CCDC9: variants seen among roughly 807,000 people sequenced by gnomAD.
CCDC9 encodes coiled-coil domain-containing protein 9.
CCDC9 carries 52 observed loss-of-function variants against 65.6 expected under a neutral mutation model. The observed-to-expected ratio is 0.79, with a 90% CI of 0.63 to 1.00. CCDC9 has a LOEUF of 1.00. Ranked by LOEUF, CCDC9 falls within the 50% of genes least tolerant of loss-of-function variation. CCDC9 has a pLI of 0.00. For missense variants in CCDC9, 834 were observed against 757.2 expected, an observed-to-expected ratio of 1.10 and a Z score of -1.19; for synonymous variants, 332 against 280.3, an observed-to-expected ratio of 1.18 and a Z score of -1.84.
chr19:47,268,834 T>C (rs1355802753), intron 8 of CCDC9, among the ~76,000 whole-genome samples: 1 of 151,446 alleles, frequency 6.6e-6, no homozygotes, highest in Non-Finnish European at 1.5e-5. Flanking sequence ...AGGAGAATGG[T>C]GTGAACCTGG....
In CCDC9 at chr19:47,271,365, G is replaced by A; in HGVS notation, c.1283G>A (p.Ser428Asn). The change falls in exon 12 of 12, where the codon AGT becomes AAT. Residue 428 changes from serine (S) to asparagine (N), a missense_variant. By Grantham distance (46) the Ser-to-Asn change is conservative. Transcript: ENST00000221922. ...GEEDEEWEDI[S>N]EDEEEEEIEV... ...GAGGATGAAGAATGGGAGGACATAAGTGAGGATGAGGAAGAGGAGGAGATC... is the reference window on the plus strand; with the variant it reads ...GAGGATGAAGAATGGGAGGACATAAATGAGGATGAGGAAGAGGAGGAGATC... The A allele has an allele frequency of 1.2e-6, 2 of 1,613,678 alleles. No individual in the cohort carries two copies. The highest frequency in any genetic ancestry group is 8.5e-7 in the Non-Finnish European group (1 of 1,179,798).
intron 1 of CCDC9, among the ~76,000 whole-genome samples, chr19:47,257,016 C>A (rs1161413533): frequency 1.6e-4 from 5 of 32,058 alleles, no homozygotes; most frequent in African/African-American, 2.4e-4. Flanking sequence ...GACGCAATGG[C>A]GGGGGCGGGG....
At chr19:47,274,944 G>C, downstream of CCDC9, 1 of 1,355,068 alleles carries the variant, frequency 7.4e-7, no homozygotes, top group South Asian at 1.8e-5. Context: ...CTGCGTGGGC[G>C]GCGGCGCCGA....
downstream of CCDC9, among the ~76,000 whole-genome samples, chr19:47,272,612 ACTCCGT>A (rs1413772335): frequency 1.3e-5 from 2 of 151,944 alleles, no homozygotes; most frequent in African/African-American, 4.8e-5. Context: ...ACAGAGCAAG[ACTCCGT>A]CTCAAAAAAG....
intron 5 of CCDC9, among the ~76,000 whole-genome samples, chr19:47,264,165 G>C (rs1293418971): frequency 6.6e-6 from 1 of 152,210 alleles, no homozygotes; most frequent in Non-Finnish European, 1.5e-5. Flanking sequence ...ACAGGCGTGA[G>C]CCACCGCGCC....
At position 47,260,390 on chromosome 19, in the gene CCDC9, T is replaced by G; in HGVS notation, c.178T>G (p.Ser60Ala). The part of the protein sequence containing the change: ...VAVTAPRKGR[S>A]VEKENVAVES... ...AGTCACAGCTCCCCGAAAGGGCCGCTCAGTGGAGAAGGAGAACGTGGCAGT... is the reference window on the plus strand; with the variant it reads ...AGTCACAGCTCCCCGAAAGGGCCGCGCAGTGGAGAAGGAGAACGTGGCAGT... The change falls in exon 4 of 12, where the codon TCA (serine) becomes GCA (alanine). Residue 60 changes from serine (S) to alanine (A), a missense_variant. By Grantham distance (99) the Ser-to-Ala change is moderately conservative. Coordinates refer to ENST00000221922, the MANE Select transcript of CCDC9 (RefSeq NM_015603.3). The G allele has an allele frequency of 6.2e-7, 1 of 1,607,000 alleles. No homozygotes were observed. Among genetic ancestry groups the G allele is most frequent in the South Asian group, 1.1e-5 (1 of 89,830 alleles).
intron 1 of CCDC9, chr19:47,257,887 G>A (rs2059021269): frequency 6.1e-6 from 1 of 163,904 alleles, no homozygotes. Context: ...GGATATGAGA[G>A]GCACCAGGAT....
In CCDC9 at chr19:47,260,645, A is replaced by G. The variant is rs1345467909; in HGVS notation, c.268A>G (p.Ser90Gly). The change falls in exon 5 of 12, where the codon AGC (serine) becomes GGC (glycine). Residue 90 changes from serine to glycine, a missense_variant. By Grantham distance (56) the Ser-to-Gly change is moderately conservative. Coordinates refer to ENST00000221922, the MANE Select transcript of CCDC9 (RefSeq NM_015603.3). ...TGGGACCCCTCGGCCCCCAGGGGCC[A>G]GCAAGGGGGGCCGGACTCCTCCACA... is the stretch of plus-strand genomic sequence containing the variant. Reference protein sequence around the residue: ...SPGTPRPPGASKGGRTPPQQG... With the variant: ...SPGTPRPPGAGKGGRTPPQQG... 6.6e-7 allele frequency: 1 copy of G among 1,524,234 alleles called. No individual in the cohort carries two copies. The highest frequency in any genetic ancestry group is 8.7e-7 in the Non-Finnish European group (1 of 1,145,160). The allele number at this position is 1,524,234 out of a possible 1,614,324, so 94.4% of individuals were successfully genotyped here. A position where few individuals can be genotyped will look rare whatever the true frequency, so the allele number is the denominator to read the frequency against.
intron 5 of CCDC9, among the ~76,000 whole-genome samples, chr19:47,263,501 C>T (rs114385572): frequency 0.024 from 3,703 of 152,230 alleles, 151 homozygotes; most frequent in African/African-American, 0.085. Flanking sequence ...ACGAGAGATT[C>T]AGCACTCCAG....
rs1418042159 is a variant in CCDC9, at chr19:47,271,265, T to TC, written c.1192-5dup. On this transcript the variant is annotated splice_polypyrimidine_tract_variant and intron_variant, in intron 11 of 11. Transcript: ENST00000221922. ...TGTGCCTTGCCCTGACTTGCCTGTG[T>TC]CCCCAAAGCCACCCGAGATCCCAGC... 1.2e-6 allele frequency: 2 copies of TC among 1,611,140 alleles called. No individual in the cohort carries two copies. Among genetic ancestry groups the TC allele is most frequent in the African/African-American group, 2.7e-5 (2 of 74,606 alleles).
At chr19:47,275,316 C>T (rs1033519795), downstream of CCDC9, 9 of 1,546,184 alleles carry the variant, frequency 5.8e-6, no homozygotes, top group African/African-American at 2.8e-5. Flanking sequence ...CAGAGAGACG[C>T]CAGAGGCCGC....
downstream of CCDC9, chr19:47,275,619 A>T (rs1166098016): frequency 6.0e-6 from 3 of 502,166 alleles, no homozygotes; most frequent in Non-Finnish European, 1.1e-5. Context: ...GATGCTGAGC[A>T]CAGAGCCCAC....
rs779123401 is a variant in CCDC9 at position 47,271,374 on chromosome 19, A to C, written c.1292A>C (p.Glu431Ala). 5 of 1,613,416 alleles carry C rather than the reference A, an allele frequency of 3.1e-6. No individual in the cohort carries two copies. The Admixed American group carries it at 6.7e-5, about 22-fold the overall frequency. ...GAATGGGAGGACATAAGTGAGGATG[A>C]GGAAGAGGAGGAGATCGAGGTGGAA... The part of the protein sequence containing the change: ...DEEWEDISED[E>A]EEEEIEVEEG... Residue 431 changes from glutamate to alanine, a missense_variant, in exon 12 of 12, where the codon GAG (glutamate) becomes GCG (alanine). Transcript: ENST00000221922.
Position 47,271,184 on chromosome 19 carries a change from G to T in CCDC9, c.1188G>T (p.Met396Ile). 6.2e-7 allele frequency: 1 copy of T among 1,602,678 alleles called. No individual in the cohort carries two copies. Among genetic ancestry groups the T allele is most frequent in the East Asian group, 2.2e-5 (1 of 44,570 alleles). The part of the protein sequence containing the change: ...SPETSPKETP[M>I]QPPEIPAPAH... ...AGACTTCCCCCAAGGAGACACCCATGCAGGTGAGGCTGGGCTGTGGTTCAG... is the reference window on the plus strand; with the variant it reads ...AGACTTCCCCCAAGGAGACACCCATTCAGGTGAGGCTGGGCTGTGGTTCAG... Residue 396 changes from methionine to isoleucine, a missense_variant, in exon 11 of 12, where the codon ATG becomes ATT. By Grantham distance (10) the Met-to-Ile change is conservative. Transcript: ENST00000221922.
intron 4 of CCDC9, 80 bp downstream of exon 4, chr19:47,260,502 C>A: frequency 1.3e-6 from 2 of 1,595,760 alleles, no homozygotes; most frequent in Non-Finnish European, 1.7e-6. Context: ...GAGCCCCCAG[C>A]TGTCCTGCAC....
At chr19:47,258,501 A>G (rs940279516) in intron 2 of CCDC9, 58 bp from the exon 3 acceptor site, 16 of 1,604,100 alleles carry the variant, frequency 1.0e-5, no homozygotes, top group African/African-American at 6.7e-5. Context: ...CCTGGGGGAA[A>G]GTCCCTGGTA....
intron 5 of CCDC9, among the ~76,000 whole-genome samples, chr19:47,263,050 AAC>A (rs3067184): frequency 0.46 from 69,239 of 150,666 alleles, 16,284 homozygotes; most frequent in East Asian, 0.67. Context: ...GTGAGCTGTG[AAC>A]ACACACCACT....
At chr19:47,260,291 T>TG in intron 3 of CCDC9, 30 bp from the exon 4 acceptor site, 1 of 1,500,506 alleles carries the variant, frequency 6.7e-7, no homozygotes, top group Non-Finnish European at 9.1e-7. Flanking sequence ...GGGCACCTGA[T>TG]GCTTCCCTAC....
In CCDC9 at chr19:47,267,499, G is replaced by C. The variant is rs559313751; in HGVS notation, c.902+707G>C. The stretch of plus-strand genomic sequence containing the variant: ...CTAAGCTGTGGGTCCCGCTGGGCTT[G>C]GCTTCTTGCAGCAGGGTGAATTCAC... On this transcript the variant is annotated intron_variant, in intron 8 of 11. Coordinates refer to ENST00000221922, the MANE Select transcript of CCDC9 (RefSeq NM_015603.3). Among the ~76,000 whole-genome samples, 4 of 152,264 alleles carry C rather than the reference G, an allele frequency of 2.6e-5. No homozygotes were observed. In the South Asian group the frequency reaches 6.2e-4, roughly 24 times the overall value.
Sources: gnomAD v4.1 joint callset for allele counts (sites outside exome capture counted in the v4.1 genomes callset) on GRCh38, gnomAD v4.1.1 for gene constraint, MANE v1.5 for transcripts, NCBI Gene and HGNC (gene_info 2026-07-23, HGNC 2026-07-21) for gene names.